Variants in FAM156A observed in about 807,000 individuals in gnomAD.
The protein encoded by FAM156A is protein FAM156A/FAM156B.
At chrX:52,988,775 T>C (rs1020422802) in intron 1 of FAM156A, among the ~76,000 whole-genome samples, 1 of 112,491 alleles carries the variant, frequency 8.9e-6, no homozygotes, top group East Asian at 2.8e-4. Context: ...CTGTATGGTC[T>C]AGCTCATTCC....
chrX:52,988,981 T>A (rs1428919986), intron 1 of FAM156A, among the ~76,000 whole-genome samples: 2 of 112,485 alleles, frequency 1.8e-5, no homozygotes, highest in Non-Finnish European at 3.8e-5. Context: ...TAATTAACGA[T>A]CCAATAGGAG....
At chrX:52,974,943 C>T (rs1295419846) in intron 1 of FAM156A, among the ~76,000 whole-genome samples, 17 of 110,265 alleles carry the variant, frequency 1.5e-4, no homozygotes, top group Non-Finnish European at 2.8e-4. Context: ...GGCCTACGTG[C>T]GGGAATGAGC....
chrX:52,991,607 C>T (rs1017461383), intron 1 of FAM156A, among the ~76,000 whole-genome samples: 3 of 112,064 alleles, frequency 2.7e-5, no homozygotes, highest in African/African-American at 9.8e-5. Flanking sequence ...GAACTGCCTG[C>T]GACATGCTGT....
intron 1 of FAM156A, among the ~76,000 whole-genome samples, chrX:52,983,980 T>A (rs1343282400): frequency 6.3e-5 from 7 of 111,994 alleles, no homozygotes; most frequent in African/African-American, 1.9e-4. Context: ...GTCAGGCTCA[T>A]TCTGGCAAAT....
intron 1 of FAM156A, among the ~76,000 whole-genome samples, chrX:52,974,993 A>G (rs1299251069): frequency 2.8e-5 from 3 of 108,610 alleles, no homozygotes; most frequent in Non-Finnish European, 5.7e-5. Flanking sequence ...AAGACAGAGC[A>G]AGCCCTGGTC....
chrX:52,977,789 G>A (rs1556792660), intron 1 of FAM156A, among the ~76,000 whole-genome samples: 1 of 111,343 alleles, frequency 9.0e-6, no homozygotes, highest in East Asian at 2.8e-4. Context: ...CAGACGAGGT[G>A]AATACTATAC....
intron 1 of FAM156A, among the ~76,000 whole-genome samples, chrX:52,977,899 T>C (rs1211799871): frequency 8.9e-6 from 1 of 112,388 alleles, no homozygotes; most frequent in East Asian, 2.8e-4. Flanking sequence ...TTGGACTTAA[T>C]AGAACTAATA....
At chrX:52,994,790 C>T (rs1931047435) in intron 1 of FAM156A, among the ~76,000 whole-genome samples, 3 of 110,948 alleles carry the variant, frequency 2.7e-5, no homozygotes, top group African/African-American at 9.9e-5. Flanking sequence ...GCCTGATCAA[C>T]ATAGCGAGAC....
At chrX:52,991,061 C>T (rs782478545) in intron 1 of FAM156A, among the ~76,000 whole-genome samples, 145 of 111,317 alleles carry the variant, frequency 1.3e-3, no homozygotes, top group African/African-American at 4.5e-3. Flanking sequence ...TACAGAATCA[C>T]GGTGAGGTGA....
chrX:52,987,952 TTGAA>T, intron 1 of FAM156A, among the ~76,000 whole-genome samples: 1 of 112,141 alleles, frequency 8.9e-6, no homozygotes, highest in Non-Finnish European at 1.9e-5. Context: ...ATTCAACGAT[TTGAA>T]TGAAACTCAA....
At chrX:52,982,583 A>T (rs1556793620) in intron 1 of FAM156A, among the ~76,000 whole-genome samples, 1 of 112,152 alleles carries the variant, frequency 8.9e-6, no homozygotes, top group East Asian at 2.7e-4. Flanking sequence ...TTCAATATAT[A>T]CTTTAAATAA....
chrX:52,991,387 C>A (rs141634983), intron 1 of FAM156A, among the ~76,000 whole-genome samples: 1,329 of 111,299 alleles, frequency 0.012, 18 homozygotes, highest in African/African-American at 0.042. Context: ...CTTTCCTCCG[C>A]CTTCTTGTTG....
rs1277409823 is a variant in FAM156A at position 52,981,824 on chromosome X, CTTT to C, written c.-434+13479_-434+13481del. ...AAATTTAGGAAGGCTGAATGAGGAGCTTTTTTTTTTTTTCAGGAAAAGGGGAAG... is the reference window on the plus strand; with the variant it reads ...AAATTTAGGAAGGCTGAATGAGGAGCTTTTTTTTTTCAGGAAAAGGGGAAG... On this transcript the variant is annotated intron_variant, in intron 1 of 4. Coordinates refer to the FAM156A transcript ENST00000610625. Among the ~76,000 whole-genome samples, 52 of 100,983 alleles carry C rather than the reference CTTT, an allele frequency of 5.1e-4. No individual in the cohort carries two copies. In the East Asian group the frequency reaches 0.013, roughly 26 times the overall value. The allele number at this position is 100,983 out of a possible 115,157, so 87.7% of individuals were successfully genotyped here. A position where few individuals can be genotyped will look rare whatever the true frequency, so the allele number is the denominator to read the frequency against.
chrX:52,991,647 T>C (rs950827290), intron 1 of FAM156A, among the ~76,000 whole-genome samples: 6 of 112,436 alleles, frequency 5.3e-5, no homozygotes, highest in African/African-American at 1.6e-4. Flanking sequence ...ACTCACTCTC[T>C]TGGAGGCTAA....
intron 1 of FAM156A, among the ~76,000 whole-genome samples, chrX:52,983,766 AG>A (rs1930075177): frequency 8.9e-6 from 1 of 112,415 alleles, no homozygotes; most frequent in Non-Finnish European, 1.9e-5. Context: ...AAAGACGCCA[AG>A]GAATGCAGTG....
Position 52,985,218 on chromosome X carries a change from G to GA in FAM156A, c.-434+10087dup, listed in dbSNP as rs782074152. Among the ~76,000 whole-genome samples the GA allele has an allele frequency of 7.5e-3, 708 of 94,264 alleles. 9 individuals are homozygous for GA. The highest frequency in any genetic ancestry group is 0.023 in the African/African-American group (606 of 26,080). 81.9% of individuals were successfully genotyped at this position (94,264 alleles called of 115,157 possible). A position where few individuals can be genotyped will look rare whatever the true frequency, so the allele number is the denominator to read the frequency against. The stretch of plus-strand genomic sequence containing the variant: ...AGAGCATGTTCTCTGATCAAAATAG[G>GA]AAAAAAAAAAAACAAGGAATAAGAG... On this transcript the variant is annotated intron_variant, in intron 1 of 4. Transcript: ENST00000610625.
At chrX:52,977,111 T>C (rs1034781558) in intron 1 of FAM156A, among the ~76,000 whole-genome samples, 4 of 106,686 alleles carry the variant, frequency 3.7e-5, no homozygotes, top group Admixed American at 1.0e-4. Flanking sequence ...CACACATATA[T>C]ATATATATAT....
intron 1 of FAM156A, among the ~76,000 whole-genome samples, chrX:52,989,900 T>G (rs991432913): frequency 1.8e-5 from 2 of 112,419 alleles, no homozygotes; most frequent in African/African-American, 6.5e-5. Flanking sequence ...GTGCATCTTG[T>G]AGAAGAAAGC....
intron 1 of FAM156A, among the ~76,000 whole-genome samples, chrX:52,986,047 T>C (rs1247845801): frequency 2.7e-5 from 3 of 110,467 alleles, no homozygotes; most frequent in Non-Finnish European, 5.7e-5. Flanking sequence ...TGGTTCCAAG[T>C]CTTTGCTATT....
Sources: allele counts gnomAD v4.1 joint callset (sites outside exome capture counted in the v4.1 genomes callset), GRCh38; gene constraint gnomAD v4.1.1; transcripts MANE v1.5; gene names NCBI Gene and HGNC (gene_info 2026-07-23, HGNC 2026-07-21).